The following CNTNAP2 variants were observed in gnomAD, a reference collection of about 807,000 sequenced individuals.
The protein encoded by CNTNAP2 is contactin-associated protein-like 2.
CNTNAP2 carries 98 observed loss-of-function variants against 155.2 expected under a neutral mutation model. The observed-to-expected ratio is 0.63, with a 90% CI of 0.54 to 0.75. CNTNAP2 has a LOEUF of 0.75. Among genes scored for constraint, CNTNAP2 ranks in the 30% least tolerant of loss-of-function variants. The pLI is 0.00. For synonymous variants in CNTNAP2, 651 were observed against 631.2 expected (o/e 1.03, Z -0.47); for missense variants, 1,727 against 1,688.1 (o/e 1.02, Z -0.40).
chr7:147,086,017 TA>T (rs776390924), intron 4 of CNTNAP2, among the ~76,000 whole-genome samples: 52 of 152,110 alleles, frequency 3.4e-4, no homozygotes, highest in Non-Finnish European at 6.6e-4. Context: ...CTTGAAATGG[TA>T]GAAAAACCCA....
At chr7:147,935,167 G>T (rs781770393) in intron 14 of CNTNAP2, among the ~76,000 whole-genome samples, 1 of 150,574 alleles carries the variant, frequency 6.6e-6, no homozygotes, top group East Asian at 2.0e-4. Flanking sequence ...TCATTCTGTC[G>T]CCAGGCTGCA....
chr7:146,366,258 ATT>A (rs11288251), intron 1 of CNTNAP2, among the ~76,000 whole-genome samples: 184 of 151,780 alleles, frequency 1.2e-3, no homozygotes, highest in African/African-American at 4.2e-3. Flanking sequence ...TCTTAAAATA[ATT>A]TTTTTTATCC....
At chr7:147,493,390 A>C (rs1798642564) in intron 11 of CNTNAP2, among the ~76,000 whole-genome samples, 1 of 152,086 alleles carries the variant, frequency 6.6e-6, no homozygotes, top group Admixed American at 6.6e-5. Context: ...CCATTCCCAC[A>C]CCATGATCTG....
chr7:148,057,724 T>C (rs10485845), intron 15 of CNTNAP2, among the ~76,000 whole-genome samples: 38,239 of 152,032 alleles, frequency 0.25, 5,323 homozygotes, highest in East Asian at 0.62. Flanking sequence ...TTGATAACCA[T>C]TGTATTTCTG....
At chr7:147,537,575 TAAA>T (rs34640976) in intron 11 of CNTNAP2, among the ~76,000 whole-genome samples, 28,932 of 148,270 alleles carry the variant, frequency 0.2, 3,297 homozygotes, top group South Asian at 0.29. Flanking sequence ...TAAAGAACCT[TAAA>T]AAAAAAAAGT....
intron 1 of CNTNAP2, among the ~76,000 whole-genome samples, chr7:146,565,534 C>T (rs555786165): frequency 1.5e-4 from 23 of 152,226 alleles, no homozygotes; most frequent in South Asian, 8.3e-4. Context: ...CACATTGCTA[C>T]GCTTTTTTAT....
At chr7:148,228,909 C>T (rs921638972) in intron 19 of CNTNAP2, among the ~76,000 whole-genome samples, 6 of 151,400 alleles carry the variant, frequency 4.0e-5, no homozygotes, top group South Asian at 2.1e-4. Context: ...ACTTTGCTGA[C>T]GGGGTGAGAA....
intron 4 of CNTNAP2, among the ~76,000 whole-genome samples, chr7:147,098,765 A>G (rs7784800): frequency 0.58 from 88,247 of 151,984 alleles, 28,338 homozygotes; most frequent in African/African-American, 0.88. Flanking sequence ...GAAAACACCT[A>G]CCGTGAAAAG....
intron 8 of CNTNAP2, among the ~76,000 whole-genome samples, chr7:147,185,431 T>A (rs1192773946): frequency 6.6e-6 from 1 of 152,166 alleles, no homozygotes; most frequent in East Asian, 1.9e-4. Context: ...TATGAATATG[T>A]TCATATTAAC....
intron 11 of CNTNAP2, among the ~76,000 whole-genome samples, chr7:147,545,954 G>C (rs1799722016): frequency 6.6e-6 from 1 of 152,040 alleles, no homozygotes; most frequent in Admixed American, 6.6e-5. Context: ...CCTTTCACTT[G>C]GGTCTCATTC....
chr7:146,427,913 C>A (rs1273542042), intron 1 of CNTNAP2, among the ~76,000 whole-genome samples: 1 of 152,124 alleles, frequency 6.6e-6, no homozygotes, highest in Non-Finnish European at 1.5e-5. Flanking sequence ...CTCCAACAGG[C>A]ACTAGTGTGT....
chr7:147,314,549 A>C (rs2692167), intron 9 of CNTNAP2, among the ~76,000 whole-genome samples: 5 of 150,524 alleles, frequency 3.3e-5, no homozygotes, highest in African/African-American at 1.2e-4. Context: ...TTAGATCAGT[A>C]TGCAAATATA....
intron 15 of CNTNAP2, among the ~76,000 whole-genome samples, chr7:148,083,117 G>A (rs918212917): frequency 6.6e-6 from 1 of 152,148 alleles, no homozygotes; most frequent in Non-Finnish European, 1.5e-5. Context: ...CAGATCAGTG[G>A]ATGAAGAGGA....
chr7:148,200,295 A>G (rs189172068), intron 18 of CNTNAP2, among the ~76,000 whole-genome samples: 41 of 152,362 alleles, frequency 2.7e-4, no homozygotes, highest in African/African-American at 9.1e-4. Flanking sequence ...ACTAAATTAA[A>G]TACAACATAT....
At chr7:146,916,208 G>C (rs1796391160) in intron 3 of CNTNAP2, among the ~76,000 whole-genome samples, 1 of 152,026 alleles carries the variant, frequency 6.6e-6, no homozygotes, top group Non-Finnish European at 1.5e-5. Flanking sequence ...TATGCTGTTG[G>C]ACTTGGTTAG....
intron 11 of CNTNAP2, among the ~76,000 whole-genome samples, chr7:147,532,874 G>A (rs1237890445): frequency 6.6e-6 from 1 of 152,162 alleles, no homozygotes; most frequent in Non-Finnish European, 1.5e-5. Flanking sequence ...ACCTCCCCCT[G>A]AGTTCCTCCC....
chr7:146,506,181 C>G (rs914823326), intron 1 of CNTNAP2, among the ~76,000 whole-genome samples: 1 of 152,160 alleles, frequency 6.6e-6, no homozygotes, highest in Non-Finnish European at 1.5e-5. Flanking sequence ...GGTAGGCAAA[C>G]AGCAGACTGG....
chr7:147,163,259 A>C (rs540738740), intron 8 of CNTNAP2, among the ~76,000 whole-genome samples: 1 of 152,338 alleles, frequency 6.6e-6, no homozygotes, highest in East Asian at 1.9e-4. Context: ...GCATAAAAGA[A>C]GAACAACAAC....
chr7:148,144,834 A>G (rs115833625), intron 16 of CNTNAP2, among the ~76,000 whole-genome samples: 5,958 of 152,278 alleles, frequency 0.039, 370 homozygotes, highest in African/African-American at 0.13. Context: ...CATTGGCTCA[A>G]GTGTCTTTTA....
Sources: gnomAD v4.1 joint callset for allele counts (sites outside exome capture counted in the v4.1 genomes callset) on GRCh38, gnomAD v4.1.1 for gene constraint, MANE v1.5 for transcripts, NCBI Gene and HGNC (gene_info 2026-07-23, HGNC 2026-07-21) for gene names.